The following CPLANE1 variants were observed in gnomAD, a reference collection of about 807,000 sequenced individuals.
CPLANE1 encodes ciliogenesis and planar polarity effector 1.
In CPLANE1, 263 loss-of-function variants were observed where a neutral mutation model predicts 362.5. The observed-to-expected ratio is 0.73, with a 90% CI of 0.66 to 0.80. CPLANE1 has a LOEUF of 0.80. Ranked by LOEUF, CPLANE1 falls within the 30% of genes least tolerant of loss-of-function variation. The pLI, the probability that CPLANE1 is intolerant of heterozygous loss-of-function variation, is 0.00. For missense variants in CPLANE1, 3,461 were observed against 3,793.4 expected (o/e 0.91, Z 2.30); for synonymous variants, 1,212 against 1,302.6 (o/e 0.93, Z 1.50).
intron 19 of CPLANE1, 25 bp from the exon 20 acceptor site, chr5:37,198,891 T>C (rs2151416717): frequency 6.2e-7 from 1 of 1,607,838 alleles, no homozygotes; most frequent in Non-Finnish European, 8.5e-7. Context: ...ACAATCCATT[T>C]TAGTGGCTAG....
rs901542035 is a variant in CPLANE1 at position 37,227,191 on chromosome 5, T to C, written c.1521+52A>G. On this transcript the variant is annotated intron_variant, in intron 11 of 52. Transcript: ENST00000651892. ...ACAAGAGAAAAACAGAATATGTTTC[T>C]TGGAATAAAGTCATAATTGTTCCAA... 3.3e-6 allele frequency: 5 copies of C among 1,528,554 alleles called. No homozygotes were observed. In the Admixed American group the frequency reaches 1.1e-4, roughly 33 times the overall value. 94.7% of individuals were successfully genotyped at this position (1,528,554 alleles called of 1,614,324 possible).
chr5:37,180,185 T>C lies in CPLANE1; in HGVS notation c.5571-2A>G. On this transcript the variant is annotated splice_acceptor_variant, in intron 27 of 52. Coordinates refer to ENST00000651892, the MANE Select transcript of CPLANE1 (RefSeq NM_001384732.1). LOFTEE classifies it high-confidence loss of function. The stretch of plus-strand genomic sequence containing the variant: ...TTTTTTGCTTCAGTTGGCATTCTAC[T>C]GAAAAAAATGCAGCAACTAAAATTA... 1 of 1,452,404 alleles carries C rather than the reference T, an allele frequency of 6.9e-7. No individual in the cohort carries two copies. The highest frequency in any genetic ancestry group is 9.1e-7 in the Non-Finnish European group (1 of 1,097,946). The allele number at this position is 1,452,404 out of a possible 1,614,324, so 90.0% of individuals were successfully genotyped here.
chr5:37,114,126 T>C (rs181583443), intron 51 of CPLANE1, among the ~76,000 whole-genome samples: 2 of 152,278 alleles, frequency 1.3e-5, no homozygotes, highest in Admixed American at 1.3e-4. Context: ...AGTGGGTTTT[T>C]AAAAAATCAT....
At chr5:37,214,629 G>A (rs1054921700) in intron 15 of CPLANE1, among the ~76,000 whole-genome samples, 2 of 152,168 alleles carry the variant, frequency 1.3e-5, no homozygotes, top group Non-Finnish European at 2.9e-5. Context: ...TATTAATTTT[G>A]CAGCTACTTC....
Position 37,209,776 on chromosome 5 carries a change from G to A in CPLANE1, c.2921-3351C>T. On this transcript the variant is annotated intron_variant, in intron 16 of 52. Transcript: ENST00000651892. The surrounding 1 kb of genome is among the most constrained non-coding windows in gnomAD (Gnocchi z 4.6). ...GGAGCTGATAAAGAAAACCAAAAAG[G>A]TTTTCTTATGCATTTTTTAAAAGGA... The A allele has an allele frequency of 7.7e-7, 1 of 1,292,480 alleles. No homozygotes were observed. The highest frequency in any genetic ancestry group is 2.3e-5 in the East Asian group (1 of 43,274). 80.1% of individuals were successfully genotyped at this position (1,292,480 alleles called of 1,614,324 possible).
intron 51 of CPLANE1, among the ~76,000 whole-genome samples, chr5:37,111,275 C>A (rs1484343169): frequency 1.3e-5 from 2 of 151,230 alleles, no homozygotes; most frequent in Non-Finnish European, 2.9e-5. Flanking sequence ...CGCCCACCAC[C>A]ATGCCTAGCT....
intron 16 of CPLANE1, chr5:37,211,908 G>T (rs571860209): frequency 3.8e-6 from 3 of 791,244 alleles, no homozygotes; most frequent in East Asian, 2.4e-5. Flanking sequence ...TCCTGCCGGG[G>T]ATATGCTTCA....
the CPLANE1 span, among the ~76,000 whole-genome samples, chr5:37,097,067 G>A: frequency 1.2e-4 from 18 of 151,998 alleles, no homozygotes; most frequent in Non-Finnish European, 1.6e-4. Flanking sequence ...ATAAAAACAC[G>A]GACAGGCATG....
intron 15 of CPLANE1, among the ~76,000 whole-genome samples, chr5:37,216,506 G>A (rs945672834): frequency 1.3e-5 from 2 of 152,154 alleles, no homozygotes; most frequent in South Asian, 2.1e-4. Context: ...CTGTGATCAC[G>A]CCACTGCACT....
At chr5:37,109,760 G>A (rs552526953) in intron 51 of CPLANE1, among the ~76,000 whole-genome samples, 37 of 152,268 alleles carry the variant, frequency 2.4e-4, no homozygotes, top group Non-Finnish European at 3.4e-4. Context: ...GGATTCAAGC[G>A]AGTCTCCTGC....
At chr5:37,132,943 T>A (rs977113865) in intron 46 of CPLANE1, among the ~76,000 whole-genome samples, 1 of 152,212 alleles carries the variant, frequency 6.6e-6, no homozygotes, top group Non-Finnish European at 1.5e-5. Context: ...TTGTGTTAAT[T>A]TTTGTATATG....
In CPLANE1 at chr5:37,185,088, A is replaced by G. The variant is rs1191334698; in HGVS notation, c.4190-9T>C. 1.3e-6 allele frequency: 2 copies of G among 1,564,860 alleles called. No individual in the cohort carries two copies. Among genetic ancestry groups the G allele is most frequent in the African/African-American group, 1.8e-5 (1 of 55,934 alleles). ...TTCCTCAGTCTGGGGTCCTGGAAAG[A>G]AAAGAATAAAAAGTCTTAGTGTTCA... On this transcript the variant is annotated splice_polypyrimidine_tract_variant and intron_variant, in intron 24 of 52. Coordinates refer to ENST00000651892, the MANE Select transcript of CPLANE1 (RefSeq NM_001384732.1).
At chr5:37,231,114 T>G (rs538404722) in intron 8 of CPLANE1, 65 bp from the exon 9 acceptor site, 1 of 1,219,504 alleles carries the variant, frequency 8.2e-7, no homozygotes, top group South Asian at 2.3e-5. Context: ...CGATTTAAAA[T>G]GGGCTGTACC....
At position 37,169,029 on chromosome 5, in the gene CPLANE1, G is replaced by C. The variant is rs1206955333; in HGVS notation, c.6995C>G (p.Ser2332Cys). Residue 2332 changes from serine (S) to cysteine (C), a missense_variant, in exon 34 of 53, where the codon TCT (serine) becomes TGT (cysteine). Ser to Cys is a moderately radical substitution (Grantham distance 112). Around this residue, in one of 2 missense-constraint regions of CPLANE1, gnomAD observed 3,380 missense variants for 3,666.1 expected, o/e 0.92. Transcript: ENST00000651892. ...GQENLTPQQDSSVFIKPEKLF... is the reference protein window; with the variant it reads ...GQENLTPQQDCSVFIKPEKLF... ...TTTTTCTGGTTTTATAAACACTGAAGAGTCCTGTTGAGGTGTCAAATTTTC... is the reference window on the plus strand; with the variant it reads ...TTTTTCTGGTTTTATAAACACTGAACAGTCCTGTTGAGGTGTCAAATTTTC... The C allele has an allele frequency of 2.5e-6, 4 of 1,614,174 alleles. No individual in the cohort carries two copies. The highest frequency in any genetic ancestry group is 3.4e-6 in the Non-Finnish European group (4 of 1,180,022).
rs1013256041 is a variant in CPLANE1, at chr5:37,149,665, A to C, written c.8374-1397T>G. ...AAGAATAAAATGCAACGATTATAAC[A>C]ATATACTGTAATCAAAGTTATATGA... is the stretch of plus-strand genomic sequence containing the variant. On this transcript the variant is annotated intron_variant, in intron 42 of 52. Transcript: ENST00000651892. Among the ~76,000 whole-genome samples the C allele has an allele frequency of 3.3e-5, 5 of 152,338 alleles. No homozygotes were observed. In the South Asian group the frequency reaches 6.2e-4, roughly 19 times the overall value.
At position 37,151,906 on chromosome 5, in the gene CPLANE1, CCACCAAATAAGCATCATAGTAT is replaced by C. The variant is rs1222083645; in HGVS notation, c.8373+1812_8373+1833del. ...TCTACCAAAAAAAAAAAGAGGAAAA[CCACCAAATAAGCATCATAGTAT>C]CATTACTTAGTATTAATATTTTTAG... On this transcript the variant is annotated intron_variant, in intron 42 of 52. Coordinates refer to ENST00000651892, the MANE Select transcript of CPLANE1 (RefSeq NM_001384732.1). Among the ~76,000 whole-genome samples the C allele has an allele frequency of 2.0e-5, 3 of 151,724 alleles. No homozygotes were observed. In the East Asian group the frequency reaches 5.8e-4, roughly 29 times the overall value.
At chr5:37,190,424 A>C (rs188839059) in intron 21 of CPLANE1, among the ~76,000 whole-genome samples, 47 of 151,752 alleles carry the variant, frequency 3.1e-4, no homozygotes, top group Non-Finnish European at 4.4e-4. Context: ...AAAAAAAAAA[A>C]CAAAAAAACC....
chr5:37,158,159 G>T, intron 39 of CPLANE1, 65 bp downstream of exon 39: 2 of 1,526,342 alleles, frequency 1.3e-6, no homozygotes, highest in Non-Finnish European at 1.8e-6. Flanking sequence ...ATTGAATAAT[G>T]TCTACATGAC....
intron 45 of CPLANE1, 50 bp downstream of exon 45, chr5:37,139,290 T>A: frequency 7.2e-7 from 1 of 1,385,938 alleles, no homozygotes; most frequent in Non-Finnish European, 9.8e-7. Flanking sequence ...ATTTTCACTA[T>A]CTACACCCAA....
Sources: allele counts gnomAD v4.1 joint callset (sites outside exome capture counted in the v4.1 genomes callset), GRCh38; gene constraint gnomAD v4.1.1; regional missense constraint gnomAD v4.1.1; non-coding constraint Gnocchi (gnomAD v3.1); transcripts MANE v1.5; gene names NCBI Gene and HGNC (gene_info 2026-07-23, HGNC 2026-07-21).